The following PAM variants were observed in gnomAD, a reference collection of about 807,000 sequenced individuals.
PAM encodes peptidylglycine alpha-amidating monooxygenase.
A neutral mutation model predicts 122.1 loss-of-function variants in PAM; 72 were observed. That is an observed-to-expected ratio of 0.59 (90% CI 0.49 to 0.72). The LOEUF is 0.72. PAM is among the 30% of genes least tolerant of loss of function. The probability of loss-of-function intolerance (pLI) is 0.00; values close to 1 mark genes in which losing one functional copy is unlikely to be tolerated. For missense variants in PAM, 1,106 were observed against 1,183.7 expected, an observed-to-expected ratio of 0.93 and a Z score of 0.96; for synonymous variants, 389 against 404.4, an observed-to-expected ratio of 0.96 and a Z score of 0.46.
At chr5:102,794,028 T>C (rs1762732292) in intron 1 of PAM, among the ~76,000 whole-genome samples, 1 of 152,192 alleles carries the variant, frequency 6.6e-6, no homozygotes, top group Admixed American at 6.5e-5. Context: ...AATTTATTAT[T>C]TATTTAACAC....
intron 3 of PAM, among the ~76,000 whole-genome samples, chr5:102,868,117 G>A (rs1315349642): frequency 6.6e-6 from 1 of 152,194 alleles, no homozygotes; most frequent in Non-Finnish European, 1.5e-5. Context: ...TTTGCAGCCA[G>A]GCAGTGCAGG....
intron 2 of PAM, 151 bp downstream of exon 2, chr5:102,866,435 C>G (rs1171240598): frequency 1.6e-6 from 1 of 629,734 alleles, no homozygotes; most frequent in South Asian, 1.8e-5. Context: ...TGAAGTCCCC[C>G]GTGCAGAAAA....
chr5:102,925,117 C>A, intron 6 of PAM, 75 bp downstream of exon 6: 1 of 804,892 alleles, frequency 1.2e-6, no homozygotes, highest in Non-Finnish European at 2.3e-6. Context: ...TCATTATAGT[C>A]CTTTCTAACC....
intron 1 of PAM, among the ~76,000 whole-genome samples, chr5:102,771,037 G>T (rs973651321): frequency 1.3e-5 from 2 of 152,020 alleles, no homozygotes. Flanking sequence ...TGCTGTTACA[G>T]CATGTTATAT....
intron 1 of PAM, among the ~76,000 whole-genome samples, chr5:102,821,943 A>G (rs1242783472): frequency 6.6e-6 from 1 of 152,230 alleles, no homozygotes; most frequent in Non-Finnish European, 1.5e-5. Flanking sequence ...TGCTTCTCAC[A>G]TTAAACATTG....
chr5:102,961,122 T>A, intron 13 of PAM, 36 bp from the exon 14 acceptor site: 1 of 1,099,348 alleles, frequency 9.1e-7, no homozygotes, highest in Non-Finnish European at 1.4e-6. Context: ...TAATACATAC[T>A]GCAAATTTAT....
At chr5:102,984,395 T>C (rs554995824) in intron 15 of PAM, among the ~76,000 whole-genome samples, 5 of 152,174 alleles carry the variant, frequency 3.3e-5, no homozygotes, top group Non-Finnish European at 7.4e-5. Context: ...TAGTAAAATA[T>C]ATTTCATGCA....
intron 1 of PAM, among the ~76,000 whole-genome samples, chr5:102,760,171 G>A (rs1362162623): frequency 6.6e-6 from 1 of 152,178 alleles, no homozygotes; most frequent in African/African-American, 2.4e-5. Context: ...GCAAAGGGCA[G>A]GTAGGTTTTA....
chr5:102,765,009 T>C (rs1411592881), intron 1 of PAM, among the ~76,000 whole-genome samples: 1 of 152,236 alleles, frequency 6.6e-6, no homozygotes, highest in African/African-American at 2.4e-5. Flanking sequence ...CTTTTCTTTC[T>C]ATTGGCCTAT....
chr5:103,027,582 T>C (rs1785318320), intron 24 of PAM, among the ~76,000 whole-genome samples: 1 of 152,142 alleles, frequency 6.6e-6, no homozygotes, highest in Admixed American at 6.5e-5. Flanking sequence ...TTGGGAACAT[T>C]TAGGTCACCT....
At chr5:102,931,159 C>G (rs1335098955) in intron 7 of PAM, among the ~76,000 whole-genome samples, 1 of 152,114 alleles carries the variant, frequency 6.6e-6, no homozygotes, top group African/African-American at 2.4e-5. Flanking sequence ...TCCCTAAATA[C>G]AATATTTTGT....
chr5:103,028,124 G>C, intron 24 of PAM, 61 bp from the exon 25 acceptor site: 2 of 1,279,162 alleles, frequency 1.6e-6, no homozygotes, highest in Non-Finnish European at 2.3e-6. Context: ...TGGAAGTTGA[G>C]TGCATGGGTT....
chr5:102,959,959 C>G lies in PAM; in HGVS notation c.990C>G (p.Thr330=), dbSNP rs758415094. The G allele has an allele frequency of 6.2e-7, 1 of 1,611,492 alleles. No homozygotes were observed. The highest frequency in any genetic ancestry group is 8.5e-7 in the Non-Finnish European group (1 of 1,177,860). ...AKHAVSFMTC[T]QNVAPDMFRT... The stretch of plus-strand genomic sequence containing the variant: ...ATGCAGTTTCTTTCATGACCTGTAC[C>G]CAGAATGTAGCTCCAGATATGTTCA... Residue 330 remains threonine, a synonymous_variant, in exon 13 of 26, where the codon ACC becomes ACG. Transcript: ENST00000438793.
intron 15 of PAM, among the ~76,000 whole-genome samples, chr5:102,977,698 AC>A (rs1768196266): frequency 6.9e-6 from 1 of 144,030 alleles, no homozygotes; most frequent in East Asian, 2.1e-4. Flanking sequence ...ACACACACAC[AC>A]AAAATACAGC....
At chr5:102,885,081 C>CTATATATATATATATATATATATATATA (rs72500464) in intron 3 of PAM, among the ~76,000 whole-genome samples, 20 of 133,574 alleles carry the variant, frequency 1.5e-4, no homozygotes, top group African/African-American at 6.7e-4. Context: ...TGTTTAATAA[C>CTATATATATATATATATATATATATATA]TATATATATA....
intron 1 of PAM, among the ~76,000 whole-genome samples, chr5:102,802,005 GA>G (rs1456306281): frequency 4.5e-4 from 65 of 143,832 alleles, no homozygotes; most frequent in Middle Eastern, 7.5e-3. Context: ...GTCTCGATCT[GA>G]TCTCCTGACC....
chr5:102,809,244 A>G (rs1767126277), intron 1 of PAM, among the ~76,000 whole-genome samples: 1 of 151,906 alleles, frequency 6.6e-6, no homozygotes, highest in African/African-American at 2.4e-5. Context: ...TTGGCCAGGC[A>G]CAGTGGCTCA....
At chr5:102,882,928 T>A (rs1022266486) in intron 3 of PAM, among the ~76,000 whole-genome samples, 15 of 152,090 alleles carry the variant, frequency 9.9e-5, no homozygotes, top group African/African-American at 3.6e-4. Context: ...AGTTTTGATC[T>A]TCTACATGTA....
At chr5:103,023,231 G>A (rs1214485211) in intron 23 of PAM, among the ~76,000 whole-genome samples, 1 of 151,810 alleles carries the variant, frequency 6.6e-6, no homozygotes, top group Non-Finnish European at 1.5e-5. Context: ...CCCAATTCTG[G>A]TTCTGCCTTA....
Sources: allele counts gnomAD v4.1 joint callset (sites outside exome capture counted in the v4.1 genomes callset), GRCh38; gene constraint gnomAD v4.1.1; transcripts MANE v1.5; gene names NCBI Gene and HGNC (gene_info 2026-07-23, HGNC 2026-07-21).